RBPJ: variants seen among roughly 807,000 people sequenced by gnomAD.
The protein encoded by RBPJ is recombining binding protein suppressor of hairless.
In RBPJ, 9 loss-of-function variants were observed where a neutral mutation model predicts 67.8. That is an observed-to-expected ratio of 0.13 (90% confidence interval 0.08 to 0.23). The LOEUF is 0.23. Among genes scored for constraint, RBPJ ranks in the 10% least tolerant of loss-of-function variants. The probability of loss-of-function intolerance (pLI) is 1.00; values close to 1 mark genes in which losing one functional copy is unlikely to be tolerated. For synonymous variants in RBPJ, 198 were observed against 203.3 expected, an observed-to-expected ratio of 0.97 and a Z score of 0.22; for missense variants, 305 against 595.6, an observed-to-expected ratio of 0.51 and a Z score of 5.08.
intron 4 of RBPJ, among the ~76,000 whole-genome samples, chr4:26,418,002 A>G (rs972594487): frequency 2.6e-5 from 4 of 152,208 alleles, no homozygotes; most frequent in African/African-American, 9.6e-5. Context: ...AAAAATTTAC[A>G]TTTTTTATAG....
At position 26,413,731 on chromosome 4, in the gene RBPJ, C is replaced by T. The variant is rs540194532; in HGVS notation, c.156-1744C>T. On this transcript the variant is annotated intron_variant, in intron 3 of 10. Coordinates refer to ENST00000355476, the MANE Select transcript of RBPJ (RefSeq NM_015874.6). Reference sequence around the variant, plus strand: ...GGGGGAAGCAAACAAGAAGTAGATACTACCACCTTCAGGAAGACCTGAGCA... The same window carrying T: ...GGGGGAAGCAAACAAGAAGTAGATATTACCACCTTCAGGAAGACCTGAGCA... 1.2e-4 allele frequency among the ~76,000 whole-genome samples: 19 copies of T among 152,310 alleles called. No individual in the cohort carries two copies. In the East Asian group the frequency reaches 2.5e-3, roughly 20 times the overall value.
At position 26,253,307 on chromosome 4, in the gene RBPJ, C is replaced by CTTTTTTTT. The variant is rs1182769419; in HGVS notation, c.-167+89708_-167+89715dup. Among the ~76,000 whole-genome samples the CTTTTTTTT allele has an allele frequency of 5.3e-4, 61 of 114,388 alleles. 2 individuals are homozygous for CTTTTTTTT. The highest frequency in any genetic ancestry group is 9.8e-4 in the African/African-American group (30 of 30,520). The allele number at this position is 114,388 out of a possible 152,430, so 75.0% of individuals were successfully genotyped here. A position where few individuals can be genotyped will look rare whatever the true frequency, so the allele number is the denominator to read the frequency against. On this transcript the variant is annotated intron_variant, in intron 1 of 4. Transcript: ENST00000512351. ...TATCAGATATCTTAATCTGCTATTTCTTTTTTTTTTTTTTTTTTTTTTGAG... is the reference window on the plus strand; with the variant it reads ...TATCAGATATCTTAATCTGCTATTTCTTTTTTTTTTTTTTTTTTTTTTTTTTTTTTGAG...
chr4:26,398,777 G>T (rs1247740808), intron 2 of RBPJ, among the ~76,000 whole-genome samples: 1 of 151,836 alleles, frequency 6.6e-6, no homozygotes, highest in Non-Finnish European at 1.5e-5. Context: ...CCACACCCGG[G>T]TAATTTTTGT....
At chr4:26,135,431 G>C in the RBPJ span, among the ~76,000 whole-genome samples, 1 of 152,080 alleles carries the variant, frequency 6.6e-6, no homozygotes, top group East Asian at 1.9e-4. Context: ...GGATTTAAAC[G>C]CAACAACCCT....
intron 2 of RBPJ, among the ~76,000 whole-genome samples, chr4:26,395,785 A>G (rs953589877): frequency 1.3e-5 from 2 of 152,182 alleles, no homozygotes; most frequent in African/African-American, 2.4e-5. Context: ...AGACGATTAT[A>G]TGTTCATATT....
intron 3 of RBPJ, among the ~76,000 whole-genome samples, chr4:26,408,118 G>T (rs943609502): frequency 6.6e-6 from 1 of 151,674 alleles, no homozygotes; most frequent in Non-Finnish European, 1.5e-5. Flanking sequence ...CAAGTGATCC[G>T]CCTGCCTCAG....
At chr4:26,386,654 G>A (rs1331884008) in intron 2 of RBPJ, among the ~76,000 whole-genome samples, 2 of 152,120 alleles carry the variant, frequency 1.3e-5, no homozygotes, top group Non-Finnish European at 2.9e-5. Flanking sequence ...CAACATGGAC[G>A]GCAGTGCAGG....
intron 1 of RBPJ, among the ~76,000 whole-genome samples, chr4:26,362,792 T>G (rs1394123794): frequency 6.6e-6 from 1 of 152,216 alleles, no homozygotes; most frequent in East Asian, 1.9e-4. Flanking sequence ...TATGGTAGTA[T>G]TTTTTGTTAC....
At chr4:26,318,043 G>C (rs1301623518), upstream of RBPJ, among the ~76,000 whole-genome samples, 2 of 152,066 alleles carry the variant, frequency 1.3e-5, no homozygotes, top group East Asian at 1.9e-4. Context: ...TTCCAAGCCA[G>C]ACTTGCACTG....
intron 1 of RBPJ, among the ~76,000 whole-genome samples, chr4:26,344,359 G>A (rs757671623): frequency 1.9e-4 from 29 of 151,706 alleles, no homozygotes; most frequent in Non-Finnish European, 3.7e-4. Flanking sequence ...GTCAGCCTCC[G>A]GAGTAGCTGG....
upstream of RBPJ, among the ~76,000 whole-genome samples, chr4:26,160,609 G>T (rs1299629232): frequency 1.3e-5 from 2 of 152,192 alleles, no homozygotes; most frequent in African/African-American, 2.4e-5. Flanking sequence ...CATGTCCACG[G>T]CGTGGTAGGG....
At position 26,424,327 on chromosome 4, in the gene RBPJ, G is replaced by GT. The variant is rs750744723; in HGVS notation, c.497-9dup. On this transcript the variant is annotated splice_polypyrimidine_tract_variant and intron_variant, in intron 5 of 10. Coordinates refer to ENST00000355476, the MANE Select transcript of RBPJ (RefSeq NM_015874.6). The surrounding 1 kb of genome is among the most constrained non-coding windows in gnomAD (Gnocchi z 5.3). ...TGCTCCAATCACATAAATAAGAGCT[G>GT]TTTTTTCTTTGCAGTATGCATTGCC... 3.1e-6 allele frequency: 5 copies of GT among 1,612,200 alleles called. No homozygotes were observed. The Admixed American group carries it at 5.0e-5, about 16-fold the overall frequency.
chr4:26,368,807 T>C (rs984785649), intron 1 of RBPJ, among the ~76,000 whole-genome samples: 15 of 152,240 alleles, frequency 9.9e-5, no homozygotes, highest in African/African-American at 3.1e-4. Context: ...AAAAACTAAC[T>C]TGAGTGAGAA....
chr4:26,373,161 T>C (rs968423191), intron 1 of RBPJ, among the ~76,000 whole-genome samples: 3 of 152,204 alleles, frequency 2.0e-5, no homozygotes, highest in East Asian at 1.9e-4. Context: ...CATGTAATGG[T>C]GTTACATAAA....
Position 26,277,487 on chromosome 4 carries a change from C to T in RBPJ, c.-166-84959C>T, listed in dbSNP as rs150751149. Among the ~76,000 whole-genome samples, 30 of 152,334 alleles carry T rather than the reference C, an allele frequency of 2.0e-4. No homozygotes were observed. The East Asian group carries it at 5.6e-3, about 28-fold the overall frequency. On this transcript the variant is annotated intron_variant, in intron 1 of 4. Transcript: ENST00000512351. ...GACGAGGCTGCAAGCCTGAGCGCCA[C>T]AGGGCTGGGTTCTTCAATGCATGGC...
At chr4:26,109,456 CTCTCTATATATATA>C in the RBPJ span, among the ~76,000 whole-genome samples, 1 of 18,686 alleles carries the variant, frequency 5.4e-5, no homozygotes, top group Non-Finnish European at 9.9e-5. Context: ...CTCTCTCTCT[CTCTCTATATATATA>C]TATATATATA....
chr4:26,191,518 G>A (rs1717548258), intron 1 of RBPJ, among the ~76,000 whole-genome samples: 1 of 152,094 alleles, frequency 6.6e-6, no homozygotes, highest in South Asian at 2.1e-4. Context: ...TGTACTCATG[G>A]CAATAATTTA....
At chr4:26,132,983 C>T in the RBPJ span, among the ~76,000 whole-genome samples, 4 of 152,172 alleles carry the variant, frequency 2.6e-5, no homozygotes, top group Admixed American at 6.5e-5. Context: ...CAAGAGCCAC[C>T]TCCCTTTGGG....
chr4:26,304,877 T>G (rs1051106771), intron 1 of RBPJ, among the ~76,000 whole-genome samples: 2 of 152,142 alleles, frequency 1.3e-5, no homozygotes, highest in African/African-American at 4.8e-5. Flanking sequence ...TTTTTTTAAT[T>G]TGTTGCTTGG....
Sources: gnomAD v4.1 joint callset for allele counts (sites outside exome capture counted in the v4.1 genomes callset) on GRCh38, gnomAD v4.1.1 for gene constraint, Gnocchi (gnomAD v3.1) non-coding constraint, MANE v1.5 for transcripts, NCBI Gene and HGNC (gene_info 2026-07-23, HGNC 2026-07-21) for gene names.